Variants in OR2L13 observed in about 807,000 individuals in gnomAD.
OR2L13 encodes the protein olfactory receptor 2L13.
In OR2L13, 14 loss-of-function variants were observed where a neutral mutation model predicts 15.3. The observed-to-expected ratio is 0.91, with a 90% CI of 0.60 to 1.43. The LOEUF (loss-of-function observed/expected upper bound fraction) is 1.43, where lower values mean the gene tolerates loss of function less well. Among genes scored for constraint, OR2L13 ranks in the 40% most tolerant of loss-of-function variants. The pLI is 0.00. For missense variants in OR2L13, 367 were observed against 387.9 expected (o/e 0.95, Z 0.45); for synonymous variants, 152 against 142.9 (o/e 1.06, Z -0.45).
At chr1:248,085,436 T>TAAATAA in the OR2L13 span, among the ~76,000 whole-genome samples, 1 of 84,550 alleles carries the variant, frequency 1.2e-5, no homozygotes, top group African/African-American at 4.5e-5. Context: ...TAAAATAAAA[T>TAAATAA]AATAAAATAA....
chr1:248,082,905 C>A, the OR2L13 span, among the ~76,000 whole-genome samples: 1 of 152,004 alleles, frequency 6.6e-6, no homozygotes, highest in Non-Finnish European at 1.5e-5. Context: ...GTCAAGGTAA[C>A]CTTAAAACAT....
chr1:248,000,979 C>A, the OR2L13 span, among the ~76,000 whole-genome samples: 34 of 151,532 alleles, frequency 2.2e-4, no homozygotes, highest in Non-Finnish European at 4.7e-4. Flanking sequence ...AGTGAGCCAC[C>A]GTTATTTCAG....
At chr1:247,974,661 G>T in the OR2L13 span, 1 of 208,988 alleles carries the variant, frequency 4.8e-6, no homozygotes, top group East Asian at 1.3e-4. Context: ...TGGAGGTCTT[G>T]GAATGCATCC....
At chr1:247,952,459 C>T in the OR2L13 span, among the ~76,000 whole-genome samples, 1 of 152,152 alleles carries the variant, frequency 6.6e-6, no homozygotes, top group Non-Finnish European at 1.5e-5. Flanking sequence ...AAAGGAGGCT[C>T]GAGGGAGCTT....
the OR2L13 span, among the ~76,000 whole-genome samples, chr1:248,069,064 A>G: frequency 1.1e-3 from 160 of 152,336 alleles, no homozygotes; most frequent in African/African-American, 3.7e-3. Context: ...TATATTATCC[A>G]GGAGAACTTC....
the OR2L13 span, chr1:248,060,584 A>T: frequency 1.1e-6 from 1 of 915,270 alleles, no homozygotes; most frequent in Non-Finnish European, 1.7e-6. Context: ...TCAAGAATTT[A>T]CTGAGGGGCT....
At chr1:247,968,706 G>A in the OR2L13 span, among the ~76,000 whole-genome samples, 2 of 151,984 alleles carry the variant, frequency 1.3e-5, no homozygotes, top group Non-Finnish European at 2.9e-5. Flanking sequence ...AGTATTCCAT[G>A]GTGTATATGT....
At chr1:248,071,784 G>A in the OR2L13 span, among the ~76,000 whole-genome samples, 2 of 148,452 alleles carry the variant, frequency 1.3e-5, 1 homozygote, top group Non-Finnish European at 3.0e-5. Flanking sequence ...CAAAGTCTCA[G>A]GATACAAAAT....
the OR2L13 span, among the ~76,000 whole-genome samples, chr1:248,082,103 C>A: frequency 7.0e-3 from 1,030 of 148,058 alleles, 12 homozygotes; most frequent in African/African-American, 0.025. Context: ...AAATGTCCAA[C>A]AATGATAGAC....
At chr1:247,975,857 C>G in the OR2L13 span, among the ~76,000 whole-genome samples, 1 of 151,978 alleles carries the variant, frequency 6.6e-6, no homozygotes. Context: ...TTCTTTTTAT[C>G]AAAATATAGA....
chr1:248,082,358 G>A, the OR2L13 span, among the ~76,000 whole-genome samples: 1 of 376 alleles, frequency 2.7e-3, no homozygotes, highest in African/African-American at 9.6e-3. Flanking sequence ...GGGGGGTGGG[G>A]GGAGGGGGGA....
the OR2L13 span, among the ~76,000 whole-genome samples, chr1:248,010,443 GC>G: frequency 6.6e-6 from 1 of 152,106 alleles, no homozygotes; most frequent in African/African-American, 2.4e-5. Flanking sequence ...TATTAGGTTG[GC>G]TTGGTGCAGA....
chr1:248,083,586 G>T, the OR2L13 span: 1 of 1,183,792 alleles, frequency 8.4e-7, no homozygotes, highest in Non-Finnish European at 1.2e-6. Context: ...ATTACAATGT[G>T]TTAAAATGTT....
At chr1:248,068,178 AGG>A in the OR2L13 span, among the ~76,000 whole-genome samples, 1 of 152,104 alleles carries the variant, frequency 6.6e-6, no homozygotes, top group Non-Finnish European at 1.5e-5. Context: ...GATCTGAGAA[AGG>A]GCAGACTGCC....
At chr1:247,944,369 T>C in the OR2L13 span, among the ~76,000 whole-genome samples, 1 of 152,154 alleles carries the variant, frequency 6.6e-6, no homozygotes, top group Non-Finnish European at 1.5e-5. Flanking sequence ...TAGGTAACCA[T>C]GTGGCATGGT....
chr1:247,947,656 G>A, the OR2L13 span, among the ~76,000 whole-genome samples: 1 of 152,166 alleles, frequency 6.6e-6, no homozygotes, highest in African/African-American at 2.4e-5. Flanking sequence ...AACATATTTG[G>A]TAAGGGGTCT....
chr1:247,948,572 A>G, the OR2L13 span, among the ~76,000 whole-genome samples: 4 of 152,328 alleles, frequency 2.6e-5, no homozygotes, highest in South Asian at 8.3e-4. Context: ...ACAATAAAAG[A>G]TTTTGAGAAA....
the OR2L13 span, chr1:248,083,385 A>C: frequency 2.6e-6 from 1 of 384,728 alleles, no homozygotes; most frequent in Non-Finnish European, 4.6e-6. Context: ...ATATATTGTC[A>C]ACAGTACTTA....
At chr1:247,996,744 T>G in the OR2L13 span, among the ~76,000 whole-genome samples, 1 of 152,196 alleles carries the variant, frequency 6.6e-6, no homozygotes, top group Non-Finnish European at 1.5e-5. Context: ...ACCTCCTCTT[T>G]CAGCACAAAT....
Sources: allele counts gnomAD v4.1 joint callset (sites outside exome capture counted in the v4.1 genomes callset), GRCh38; gene constraint gnomAD v4.1.1; transcripts MANE v1.5; gene names NCBI Gene and HGNC (gene_info 2026-07-23, HGNC 2026-07-21).